Variants in QPCT observed in about 807,000 individuals in gnomAD.
The protein encoded by QPCT is glutaminyl-peptide cyclotransferase.
Under a neutral mutation model 43.4 loss-of-function variants are expected in QPCT, and 44 were observed. The ratio of observed to expected loss-of-function variants is 1.01; its 90% CI spans 0.80 to 1.30. The LOEUF is 1.30. Ranked by LOEUF, QPCT falls within the 50% of genes most tolerant of loss-of-function variation. QPCT has a pLI of 0.00. For missense variants in QPCT, 526 were observed against 436.5 expected, an observed-to-expected ratio of 1.21 and a Z score of -1.83; for synonymous variants, 168 against 168.4, an observed-to-expected ratio of 1.00 and a Z score of 0.02.
At chr2:37,362,176 A>G (rs1672868088) in intron 3 of QPCT, among the ~76,000 whole-genome samples, 1 of 152,158 alleles carries the variant, frequency 6.6e-6, no homozygotes, top group Admixed American at 6.5e-5. Context: ...AGAGATAAAA[A>G]CTATTTCCGT....
chr2:37,358,161 C>A (rs917273510), intron 2 of QPCT, among the ~76,000 whole-genome samples: 1 of 150,146 alleles, frequency 6.7e-6, no homozygotes, highest in Non-Finnish European at 1.5e-5. Context: ...ACCTGTAATG[C>A]CAGCTCTTTG....
chr2:37,367,172 C>A lies in QPCT; in HGVS notation c.547-60C>A, dbSNP rs563358679. On this transcript the variant is annotated intron_variant, in intron 3 of 6. Transcript: ENST00000338415. The stretch of plus-strand genomic sequence containing the variant: ...TCTTTTTGCCCAATTAATAGAAAAT[C>A]ATGCTATTTTTCATCATCACAGTAT... 36 of 1,492,956 alleles carry A rather than the reference C, an allele frequency of 2.4e-5. No individual in the cohort carries two copies. In the African/African-American group the frequency reaches 4.2e-4, roughly 17 times the overall value. 92.5% of individuals were successfully genotyped at this position (1,492,956 alleles called of 1,614,324 possible). A position where few individuals can be genotyped will look rare whatever the true frequency, so the allele number is the denominator to read the frequency against.
At chr2:37,360,338 C>G (rs919857966) in intron 3 of QPCT, among the ~76,000 whole-genome samples, 2 of 152,060 alleles carry the variant, frequency 1.3e-5, no homozygotes, top group South Asian at 4.1e-4. Flanking sequence ...AAGCATGAAG[C>G]AGAAATGCAT....
At position 37,367,402 on chromosome 2, in the gene QPCT, T is replaced by C. The variant is rs770857738; in HGVS notation, c.717T>C (p.His239=). Residue 239 remains histidine (H), a synonymous_variant, in exon 4 of 7, where the codon CAT becomes CAC. Coordinates refer to ENST00000338415, the MANE Select transcript of QPCT (RefSeq NM_012413.4). Reference sequence around the variant, plus strand: ...GAGCGAGAGGCACCAGCCAACTGCATGGCATGGTTAGTCTGGGCAATTTCC... The same window carrying C: ...GAGCGAGAGGCACCAGCCAACTGCACGGCATGGTTAGTCTGGGCAATTTCC... ...PPGARGTSQL[H]GMDLLVLLDL... is the part of the protein sequence containing the mutation. 1.2e-6 allele frequency: 2 copies of C among 1,613,334 alleles called. No homozygotes were observed. Among genetic ancestry groups the C allele is most frequent in the Admixed American group, 3.3e-5 (2 of 59,928 alleles).
rs1360475967 is a variant in QPCT, at chr2:37,373,317, A to G, written c.*490A>G. The G allele has an allele frequency of 6.6e-6, 1 of 152,252 alleles. No individual in the cohort carries two copies. Among genetic ancestry groups the G allele is most frequent in the Non-Finnish European group, 1.5e-5 (1 of 68,078 alleles). The allele number at this position is 152,252 out of a possible 1,614,324, so 9.4% of individuals were successfully genotyped here. A position where few individuals can be genotyped will look rare whatever the true frequency, so the allele number is the denominator to read the frequency against. On this transcript the variant is annotated 3_prime_UTR_variant, in exon 7 of 7. Transcript: ENST00000338415. ...TTATGGAAATTAAAATCAGAATTAAATGCTATGTTGTGATGTCTTTTTTAT... is the reference window on the plus strand; with the variant it reads ...TTATGGAAATTAAAATCAGAATTAAGTGCTATGTTGTGATGTCTTTTTTAT...
intron 4 of QPCT, among the ~76,000 whole-genome samples, chr2:37,369,426 T>A (rs1015755664): frequency 6.6e-6 from 1 of 152,246 alleles, no homozygotes; most frequent in South Asian, 2.1e-4. Flanking sequence ...TCCTAATTTA[T>A]CCTTAGTGAT....
rs111844211 is a variant in QPCT at position 37,363,775 on chromosome 2, G to C, written c.547-3457G>C. Among the ~76,000 whole-genome samples the C allele has an allele frequency of 9.9e-3, 1,503 of 151,494 alleles. 24 individuals carry two copies. The highest frequency in any genetic ancestry group is 0.033 in the African/African-American group (1,359 of 41,328). ...GACACTGTTCTAATATTCTTACAGA[G>C]ATAAGAGGAGACATTATATCTATGA... is the stretch of plus-strand genomic sequence containing the variant. On this transcript the variant is annotated intron_variant, in intron 3 of 6. Transcript: ENST00000338415.
At chr2:37,356,163 A>G (rs1672741021) in intron 2 of QPCT, among the ~76,000 whole-genome samples, 2 of 152,226 alleles carry the variant, frequency 1.3e-5, no homozygotes, top group Admixed American at 6.5e-5. Context: ...AATGAAACCC[A>G]GGATCATTCA....
At chr2:37,355,428 G>T (rs1040630117) in intron 2 of QPCT, among the ~76,000 whole-genome samples, 1 of 151,684 alleles carries the variant, frequency 6.6e-6, no homozygotes, top group Non-Finnish European at 1.5e-5. Context: ...TTGAACACTA[G>T]ATGAGATGTT....
Position 37,359,605 on chromosome 2 carries a change from T to C in QPCT, c.293T>C (p.Leu98Pro). Residue 98 changes from leucine to proline, a missense_variant, in exon 3 of 7, where the codon CTT becomes CCT. Leu to Pro is a moderately conservative substitution (Grantham distance 98). Coordinates refer to ENST00000338415, the MANE Select transcript of QPCT (RefSeq NM_012413.4). ...RQHIMQRIQR[L>P]QADWVLEIDT... The stretch of plus-strand genomic sequence containing the variant: ...CACATCATGCAGCGAATTCAGAGGC[T>C]TCAGGCTGACTGGGTCTTGGAAATA... 3.1e-6 allele frequency: 5 copies of C among 1,614,178 alleles called. No homozygotes were observed. Among genetic ancestry groups the C allele is most frequent in the Non-Finnish European group, 4.2e-6 (5 of 1,180,020 alleles).
At chr2:37,355,978 G>C (rs747854353) in intron 2 of QPCT, among the ~76,000 whole-genome samples, 1 of 152,074 alleles carries the variant, frequency 6.6e-6, no homozygotes, top group Non-Finnish European at 1.5e-5. Flanking sequence ...CTCATATATG[G>C]TGCACTCAAG....
intron 2 of QPCT, among the ~76,000 whole-genome samples, chr2:37,353,960 G>A (rs902384844): frequency 6.6e-6 from 1 of 152,196 alleles, no homozygotes; most frequent in African/African-American, 2.4e-5. Context: ...CACCTCCTGG[G>A]TTCACACTAT....
intron 2 of QPCT, among the ~76,000 whole-genome samples, chr2:37,358,107 TG>T (rs1310360134): frequency 1.5e-5 from 2 of 134,368 alleles, no homozygotes; most frequent in African/African-American, 7.1e-5. Context: ...ATATGATACT[TG>T]AAAAAAAAAA....
At chr2:37,347,168 T>TATATATATATATATATATC (rs1672512018) in intron 1 of QPCT, among the ~76,000 whole-genome samples, 2 of 52,834 alleles carry the variant, frequency 3.8e-5, no homozygotes, top group African/African-American at 1.9e-4. Flanking sequence ...ATATATAACA[T>TATATATATATATATATATC]ATATATATAT....
chr2:37,369,542 T>C, intron 4 of QPCT, 143 bp from the exon 5 acceptor site: 3 of 644,594 alleles, frequency 4.7e-6, no homozygotes, highest in South Asian at 1.9e-5. Flanking sequence ...AAAATGTTAG[T>C]AAATCTTTGG....
intron 3 of QPCT, among the ~76,000 whole-genome samples, chr2:37,362,208 G>A (rs1440387556): frequency 5.3e-5 from 8 of 152,198 alleles, no homozygotes; most frequent in African/African-American, 1.9e-4. Context: ...CTGGGCATGA[G>A]CAGAATGCCT....
At chr2:37,347,800 T>C (rs1037798958) in intron 1 of QPCT, among the ~76,000 whole-genome samples, 1 of 152,224 alleles carries the variant, frequency 6.6e-6, no homozygotes, top group African/African-American at 2.4e-5. Context: ...TAAATCATTC[T>C]TCCTTAGGTG....
chr2:37,370,091 A>G (rs1463039750), intron 5 of QPCT, among the ~76,000 whole-genome samples: 2 of 152,190 alleles, frequency 1.3e-5, no homozygotes, highest in Non-Finnish European at 2.9e-5. Context: ...AGGCTGAGGC[A>G]TGAGAATCAC....
intron 1 of QPCT, among the ~76,000 whole-genome samples, chr2:37,347,144 T>TTTTATATATATATATATATATATATATA (rs1389307350): frequency 3.6e-5 from 2 of 55,338 alleles, no homozygotes; most frequent in African/African-American, 9.4e-5. Context: ...ATGGGGTGTT[T>TTTTATATATATATATATATATATATATA]TATATATATA....
Sources: gnomAD v4.1 joint callset for allele counts (sites outside exome capture counted in the v4.1 genomes callset) on GRCh38, gnomAD v4.1.1 for gene constraint, MANE v1.5 for transcripts, NCBI Gene and HGNC (gene_info 2026-07-23, HGNC 2026-07-21) for gene names.